SAMM50: variants seen among roughly 807,000 people sequenced by gnomAD.
SAMM50 encodes the protein sorting and assembly machinery component 50 homolog.
SAMM50 carries 47 observed loss-of-function variants against 66.9 expected under a neutral mutation model. That is an observed-to-expected ratio of 0.70 (90% confidence interval 0.56 to 0.90). SAMM50 has a LOEUF of 0.90. SAMM50 is among the 40% of genes least tolerant of loss of function. SAMM50 has a pLI of 0.00. For missense variants in SAMM50, 535 were observed against 595.3 expected, an observed-to-expected ratio of 0.90 and a Z score of 1.05; for synonymous variants, 191 against 214.1, an observed-to-expected ratio of 0.89 and a Z score of 0.94.
At chr22:43,991,867 G>A (rs1239791332) in intron 14 of SAMM50, among the ~76,000 whole-genome samples, 11 of 152,226 alleles carry the variant, frequency 7.2e-5, no homozygotes, top group South Asian at 2.1e-4. Flanking sequence ...ATTCCATCAC[G>A]AGGGCCCCAT....
chr22:43,986,347 A>T (rs1453580997), intron 12 of SAMM50: 2 of 151,574 alleles, frequency 1.3e-5, no homozygotes, highest in African/African-American at 4.9e-5. Flanking sequence ...GCCAAGTTTT[A>T]CTTTAATATG....
intron 14 of SAMM50, among the ~76,000 whole-genome samples, chr22:43,990,608 C>G (rs1473876965): frequency 1.3e-5 from 2 of 152,020 alleles, no homozygotes; most frequent in African/African-American, 4.8e-5. Flanking sequence ...GTGAAGCGTT[C>G]CCACCCCCTC....
intron 11 of SAMM50, among the ~76,000 whole-genome samples, chr22:43,982,822 G>A (rs1269588796): frequency 1.3e-5 from 2 of 152,146 alleles, no homozygotes; most frequent in African/African-American, 2.4e-5. Context: ...TTTTAGTAGA[G>A]GCGAGGTTTT....
In SAMM50 at chr22:43,968,718, C is replaced by T. The variant is rs1226752917; in HGVS notation, c.235-13C>T. On this transcript the variant is annotated splice_polypyrimidine_tract_variant and intron_variant, in intron 3 of 14. Transcript: ENST00000350028. Reference sequence around the variant, plus strand: ...AAGAATATATTCCTTGTTTTTCTTCCCCCATTTTATAGGTAATGCGGAAAT... The same window carrying T: ...AAGAATATATTCCTTGTTTTTCTTCTCCCATTTTATAGGTAATGCGGAAAT... 1.3e-6 allele frequency: 2 copies of T among 1,584,944 alleles called. No homozygotes were observed. Among genetic ancestry groups the T allele is most frequent in the South Asian group, 2.2e-5 (2 of 89,802 alleles).
At position 43,964,438 on chromosome 22, in the gene SAMM50, T is replaced by C; in HGVS notation, c.133-14T>C. 1.4e-6 allele frequency: 2 copies of C among 1,446,632 alleles called. No homozygotes were observed. Among genetic ancestry groups the C allele is most frequent in the Non-Finnish European group, 1.9e-6 (2 of 1,027,708 alleles). The allele number at this position is 1,446,632 out of a possible 1,614,324, so 89.6% of individuals were successfully genotyped here. A position where few individuals can be genotyped will look rare whatever the true frequency, so the allele number is the denominator to read the frequency against. ...CTCATGTCATCCCTAATACTGTCCC[T>C]GTGTGACTTTTAGGTGGTTGTTCAA... On this transcript the variant is annotated splice_polypyrimidine_tract_variant and intron_variant, in intron 2 of 14. Transcript: ENST00000350028.
Position 43,981,390 on chromosome 22 carries a change from G to T in SAMM50, c.937-1G>T. ...ACAACCATTTGTTTCTATTTGAACAGGTTTTTTCAGCGTCTTTCTGGGGCG... is the reference window on the plus strand; with the variant it reads ...ACAACCATTTGTTTCTATTTGAACATGTTTTTTCAGCGTCTTTCTGGGGCG... On this transcript the variant is annotated splice_acceptor_variant, in intron 10 of 14. Transcript: ENST00000350028. LOFTEE classifies it high-confidence loss of function. The T allele has an allele frequency of 1.2e-6, 2 of 1,613,058 alleles. No homozygotes were observed. The highest frequency in any genetic ancestry group is 1.7e-6 in the Non-Finnish European group (2 of 1,179,154).
chr22:43,991,273 G>A (rs1422498951), intron 14 of SAMM50, among the ~76,000 whole-genome samples: 1 of 148,972 alleles, frequency 6.7e-6, no homozygotes, highest in Non-Finnish European at 1.5e-5. Context: ...ACCACGCCCG[G>A]CATTTTTTTT....
At chr22:43,988,272 T>C (rs2050304375) in intron 12 of SAMM50, 1 of 152,216 alleles carries the variant, frequency 6.6e-6, no homozygotes, top group Admixed American at 6.5e-5. Flanking sequence ...TTTTTTTCCT[T>C]CCTCTGGATT....
Position 43,990,400 on chromosome 22 carries a change from G to C in SAMM50, c.1358G>C (p.Gly453Ala). ...TGCGTCCCCATGGGAGTACAGACAG[G>C]CGACAGGTACGTGTTGGGAATTATT... Reference protein sequence around the residue: ...NYCVPMGVQTGDRICDGVQFG... With the variant: ...NYCVPMGVQTADRICDGVQFG... The change falls in exon 14 of 15, where the codon GGC becomes GCC. Residue 453 changes from glycine to alanine, a missense_variant. Coordinates refer to ENST00000350028, the MANE Select transcript of SAMM50 (RefSeq NM_015380.5). 1 of 1,614,072 alleles carries C rather than the reference G, an allele frequency of 6.2e-7. No individual in the cohort carries two copies. Among genetic ancestry groups the C allele is most frequent in the Non-Finnish European group, 8.5e-7 (1 of 1,179,926 alleles).
Position 43,964,436 on chromosome 22 carries a change from C to G in SAMM50, c.133-16C>G. 1 of 1,416,040 alleles carries G rather than the reference C, an allele frequency of 7.1e-7. No individual in the cohort carries two copies. The highest frequency in any genetic ancestry group is 1.0e-6 in the Non-Finnish European group (1 of 1,000,376). The allele number at this position is 1,416,040 out of a possible 1,614,324, so 87.7% of individuals were successfully genotyped here. ...GCCTCATGTCATCCCTAATACTGTCCCTGTGTGACTTTTAGGTGGTTGTTC... is the reference window on the plus strand; with the variant it reads ...GCCTCATGTCATCCCTAATACTGTCGCTGTGTGACTTTTAGGTGGTTGTTC... On this transcript the variant is annotated splice_polypyrimidine_tract_variant and intron_variant, in intron 2 of 14. Transcript: ENST00000350028.
intron 9 of SAMM50, among the ~76,000 whole-genome samples, chr22:43,977,178 G>A (rs960992088): frequency 1.3e-5 from 2 of 152,246 alleles, no homozygotes; most frequent in Non-Finnish European, 2.9e-5. Context: ...CAGGTGCATC[G>A]TGGCAGCAGG....
At chr22:43,971,693 A>G (rs1275088997) in intron 4 of SAMM50, among the ~76,000 whole-genome samples, 2 of 151,778 alleles carry the variant, frequency 1.3e-5, no homozygotes, top group Non-Finnish European at 2.9e-5. Context: ...GCAAAGGTAG[A>G]TTGTTTTTGT....
chr22:43,961,732 G>A (rs939038378), intron 1 of SAMM50, among the ~76,000 whole-genome samples: 4 of 152,240 alleles, frequency 2.6e-5, no homozygotes, highest in Middle Eastern at 3.4e-3. Flanking sequence ...GATTACAGGT[G>A]TGAGTCATTG....
At chr22:43,984,102 T>C in intron 12 of SAMM50, 102 bp downstream of exon 12, 1 of 978,992 alleles carries the variant, frequency 1.0e-6, no homozygotes, top group Non-Finnish European at 1.5e-6. Context: ...ACATTCCTCT[T>C]TCACGGTGGT....
rs58022542 is a variant in SAMM50, at chr22:43,962,881, ATTTTTTTTTTTTTTTTTT to A, written c.22-389_22-372del. Reference sequence around the variant, plus strand: ...GATTTGTGCGTGACCCTTTTGGTTAATTTTTTTTTTTTTTTTTTTTTTTTTTTTTTTTTAGAGATGGGG... The same window carrying A: ...GATTTGTGCGTGACCCTTTTGGTTAATTTTTTTTTTTTTTTAGAGATGGGG... On this transcript the variant is annotated intron_variant, in intron 1 of 14. Coordinates refer to ENST00000350028, the MANE Select transcript of SAMM50 (RefSeq NM_015380.5). 3.1e-4 allele frequency among the ~76,000 whole-genome samples: 20 copies of A among 65,522 alleles called. No homozygotes were observed. In the South Asian group the frequency reaches 5.5e-3, roughly 18 times the overall value. 43.0% of individuals were successfully genotyped at this position (65,522 alleles called of 152,430 possible).
intron 14 of SAMM50, chr22:43,995,530 T>A (rs1603420812): frequency 6.6e-6 from 1 of 152,302 alleles, no homozygotes; most frequent in South Asian, 2.1e-4. Context: ...ATGGGCAGCA[T>A]TGGCCTTGCC....
At chr22:43,961,600 C>T (rs1603418570) in intron 1 of SAMM50, among the ~76,000 whole-genome samples, 1 of 152,112 alleles carries the variant, frequency 6.6e-6, no homozygotes, top group East Asian at 1.9e-4. Flanking sequence ...CAGGCACACA[C>T]CACCACACCT....
At chr22:43,960,085 G>A (rs755134621) in intron 1 of SAMM50, among the ~76,000 whole-genome samples, 6 of 152,248 alleles carry the variant, frequency 3.9e-5, no homozygotes, top group South Asian at 4.1e-4. Context: ...TTTTTTCAGC[G>A]TAATGGGATA....
intron 10 of SAMM50, among the ~76,000 whole-genome samples, chr22:43,978,356 A>T (rs539179295): frequency 7.3e-6 from 1 of 136,560 alleles, no homozygotes; most frequent in African/African-American, 2.8e-5. Context: ...AATGGCATGA[A>T]CTCCGGAGGC....
Sources: gnomAD v4.1 joint callset for allele counts (sites outside exome capture counted in the v4.1 genomes callset) on GRCh38, gnomAD v4.1.1 for gene constraint, MANE v1.5 for transcripts, NCBI Gene and HGNC (gene_info 2026-07-23, HGNC 2026-07-21) for gene names.